Variants in PKP4 observed in about 807,000 individuals in gnomAD.
PKP4 encodes plakophilin-4.
In PKP4, 90 loss-of-function variants were observed where a neutral mutation model predicts 145.1. The observed-to-expected ratio is 0.62, with a 90% CI of 0.52 to 0.74. The LOEUF (loss-of-function observed/expected upper bound fraction) is 0.74. PKP4 is among the 30% of genes least tolerant of loss of function. The pLI, the probability that PKP4 is intolerant of heterozygous loss-of-function variation, is 0.00. For missense variants in PKP4, 1,340 were observed against 1,482.7 expected (o/e 0.90, Z 1.58); for synonymous variants, 563 against 577.2 (o/e 0.98, Z 0.35).
chr2:158,480,883 C>T (rs1007746833), intron 1 of PKP4, among the ~76,000 whole-genome samples: 2 of 152,102 alleles, frequency 1.3e-5, no homozygotes, highest in Non-Finnish European at 2.9e-5. Context: ...TTCTCTCTCC[C>T]CTCAGCACCT....
Position 158,663,104 on chromosome 2 carries a change from T to C in PKP4, c.2403+16T>C. 6.4e-7 allele frequency: 1 copy of C among 1,572,258 alleles called. No homozygotes were observed. Among genetic ancestry groups the C allele is most frequent in the Non-Finnish European group, 8.6e-7 (1 of 1,160,278 alleles). On this transcript the variant is annotated intron_variant, in intron 14 of 21. Coordinates refer to ENST00000389759, the MANE Select transcript of PKP4 (RefSeq NM_003628.6). ...AGAAGATCAAGTTAGCATTTTATTT[T>C]ATATGAGACTCTCAAGTTTAATTTT...
At chr2:158,624,083 A>G (rs1032778734) in intron 6 of PKP4, among the ~76,000 whole-genome samples, 4 of 152,174 alleles carry the variant, frequency 2.6e-5, no homozygotes, top group Non-Finnish European at 2.9e-5. Context: ...AGAGGCTTTG[A>G]CCATTCCTCC....
At chr2:158,601,839 T>C (rs941559960) in intron 3 of PKP4, among the ~76,000 whole-genome samples, 1 of 152,080 alleles carries the variant, frequency 6.6e-6, no homozygotes, top group Non-Finnish European at 1.5e-5. Flanking sequence ...ACATAATGAC[T>C]TGGGGAAAGT....
chr2:158,601,005 T>A (rs1449297809), intron 3 of PKP4, among the ~76,000 whole-genome samples: 1 of 152,192 alleles, frequency 6.6e-6, no homozygotes, highest in South Asian at 2.1e-4. Context: ...TCGGGGAGAA[T>A]AAGTTGACCT....
chr2:158,599,449 T>C (rs1399532985), intron 3 of PKP4, among the ~76,000 whole-genome samples: 1 of 152,178 alleles, frequency 6.6e-6, no homozygotes, highest in African/African-American at 2.4e-5. Flanking sequence ...GCTCTTCAGT[T>C]TGAGTGACTG....
In PKP4 at chr2:158,582,898, C is replaced by T. The variant is rs533002631; in HGVS notation, c.245+5515C>T. Among the ~76,000 whole-genome samples, 5 of 152,300 alleles carry T rather than the reference C, an allele frequency of 3.3e-5. No individual in the cohort carries two copies. In the South Asian group the frequency reaches 8.3e-4, roughly 25 times the overall value. On this transcript the variant is annotated intron_variant, in intron 3 of 21. Coordinates refer to ENST00000389759, the MANE Select transcript of PKP4 (RefSeq NM_003628.6). The stretch of plus-strand genomic sequence containing the variant: ...ATCAATTTTAGGTCCACTAAGCAGG[C>T]AGCCTACCATGACTATTTCTGTCTG...
At chr2:158,569,832 G>C (rs2047280826) in intron 2 of PKP4, among the ~76,000 whole-genome samples, 1 of 152,146 alleles carries the variant, frequency 6.6e-6, no homozygotes, top group Admixed American at 6.5e-5. Flanking sequence ...TAATATGGTA[G>C]GGTTGCTGTG....
rs1245318624 is a variant in PKP4 at position 158,525,530 on chromosome 2, A to G, written c.-5-7650A>G. 8.0e-5 allele frequency among the ~76,000 whole-genome samples: 3 copies of G among 37,712 alleles called. No homozygotes were observed. The East Asian group carries it at 3.5e-3, about 44-fold the overall frequency. 24.7% of individuals were successfully genotyped at this position (37,712 alleles called of 152,430 possible). A position where few individuals can be genotyped will look rare whatever the true frequency, so the allele number is the denominator to read the frequency against. ...GCACTAAATGCCCACAAGAGAAAGC[A>G]GGAAAGATCCAAAATTGACACCCTA... On this transcript the variant is annotated intron_variant, in intron 1 of 21. Transcript: ENST00000389759.
At chr2:158,602,682 T>C (rs2050326041) in intron 3 of PKP4, among the ~76,000 whole-genome samples, 1 of 152,214 alleles carries the variant, frequency 6.6e-6, no homozygotes, top group Non-Finnish European at 1.5e-5. Context: ...AATTGCTGCT[T>C]TTGAAAATAC....
chr2:158,637,985 C>T (rs1053288949), intron 9 of PKP4, among the ~76,000 whole-genome samples: 4 of 152,326 alleles, frequency 2.6e-5, no homozygotes, highest in South Asian at 2.1e-4. Flanking sequence ...CTGTCTGGCC[C>T]TCATGGCACC....
chr2:158,581,491 A>G (rs2048328342), intron 3 of PKP4, among the ~76,000 whole-genome samples: 1 of 152,224 alleles, frequency 6.6e-6, no homozygotes, highest in South Asian at 2.1e-4. Flanking sequence ...CTTTTCACCC[A>G]TCCAAAGTTT....
intron 1 of PKP4, among the ~76,000 whole-genome samples, chr2:158,458,723 CTG>C (rs1689292783): frequency 6.6e-6 from 1 of 152,076 alleles, no homozygotes; most frequent in Non-Finnish European, 1.5e-5. Flanking sequence ...TCATACTGGG[CTG>C]TGTTTAGACC....
chr2:158,506,292 A>G (rs1198687488), intron 1 of PKP4, among the ~76,000 whole-genome samples: 1 of 152,198 alleles, frequency 6.6e-6, no homozygotes, highest in Non-Finnish European at 1.5e-5. Flanking sequence ...GAGGAGATGA[A>G]GAAGGCCTAA....
intron 2 of PKP4, among the ~76,000 whole-genome samples, chr2:158,555,350 A>G (rs1413121294): frequency 6.6e-6 from 1 of 152,220 alleles, no homozygotes; most frequent in African/African-American, 2.4e-5. Flanking sequence ...GTGTATATTA[A>G]AGAAATGTTA....
chr2:158,594,674 A>G (rs1417371309), intron 3 of PKP4, among the ~76,000 whole-genome samples: 4 of 152,164 alleles, frequency 2.6e-5, no homozygotes, highest in Admixed American at 2.6e-4. Flanking sequence ...ATTTGGAGGA[A>G]GAGGTTTTGT....
chr2:158,679,925 G>A (rs1157596572), intron 21 of PKP4, among the ~76,000 whole-genome samples: 4 of 152,320 alleles, frequency 2.6e-5, no homozygotes, highest in East Asian at 1.9e-4. Context: ...AAATGTAGGG[G>A]TGGACTCCAT....
At chr2:158,641,331 CA>C (rs33990329) in intron 10 of PKP4, among the ~76,000 whole-genome samples, 126 of 138,706 alleles carry the variant, frequency 9.1e-4, no homozygotes, top group East Asian at 1.8e-3. Context: ...GACTCTGTCT[CA>C]AAAAAAAAAA....
At chr2:158,643,719 A>G (rs1228350424) in intron 11 of PKP4, among the ~76,000 whole-genome samples, 2 of 120,730 alleles carry the variant, frequency 1.7e-5, no homozygotes, top group Admixed American at 9.7e-5. Flanking sequence ...TTTCAAAAAA[A>G]AAAAAAAAAG....
intron 1 of PKP4, among the ~76,000 whole-genome samples, chr2:158,482,520 A>G (rs184213526): frequency 3.2e-4 from 49 of 152,330 alleles, no homozygotes; most frequent in Middle Eastern, 3.4e-3. Flanking sequence ...AACCCACGTT[A>G]TCTTAAAACC....
Sources: allele counts gnomAD v4.1 joint callset (sites outside exome capture counted in the v4.1 genomes callset), GRCh38; gene constraint gnomAD v4.1.1; transcripts MANE v1.5; gene names NCBI Gene and HGNC (gene_info 2026-07-23, HGNC 2026-07-21).